Variants in SLC8B1 observed in about 807,000 individuals in gnomAD.
SLC8B1 encodes solute carrier family 8 member B1.
In SLC8B1, 52 loss-of-function variants were observed where a neutral mutation model predicts 63.4. The observed-to-expected ratio is 0.82, with a 90% CI of 0.66 to 1.03. The LOEUF (loss-of-function observed/expected upper bound fraction) is 1.03. SLC8B1 is among the 50% of genes least tolerant of loss of function. The pLI, the probability that SLC8B1 is intolerant of heterozygous loss-of-function variation, is 0.00. For synonymous variants in SLC8B1, 336 were observed against 323.9 expected (o/e 1.04, Z -0.40); for missense variants, 657 against 741.7 (o/e 0.89, Z 1.33).
At chr12:113,330,529 G>A (rs1957043308) in intron 2 of SLC8B1, among the ~76,000 whole-genome samples, 2 of 152,198 alleles carry the variant, frequency 1.3e-5, no homozygotes, top group Admixed American at 6.5e-5. Context: ...CACGGGGTTT[G>A]GGGGAGGACT....
chr12:113,316,879 T>A, intron 9 of SLC8B1, 63 bp downstream of exon 9: 1 of 1,577,570 alleles, frequency 6.3e-7, no homozygotes, highest in Non-Finnish European at 8.7e-7. Context: ...GAGGGCCCCA[T>A]CTTTCCACCC....
rs551919568 is a variant in SLC8B1, at chr12:113,319,744, C to T, written c.694+587G>A. On this transcript the variant is annotated intron_variant, in intron 7 of 15. Coordinates refer to ENST00000680972, the MANE Select transcript of SLC8B1 (RefSeq NM_001358345.2). The stretch of plus-strand genomic sequence containing the variant: ...ATGTTTGCTGTCACGATCCGGGTGG[C>T]CCCAGTTAGCGTCCCATCTTTACTG... Among the ~76,000 whole-genome samples, 546 of 152,308 alleles carry T rather than the reference C, an allele frequency of 3.6e-3. 3 individuals carry two copies. The highest frequency in any genetic ancestry group is 6.0e-3 in the Non-Finnish European group (406 of 68,038).
At position 113,299,310 on chromosome 12, in the gene SLC8B1, G is replaced by A. The variant is rs1237799307; in HGVS notation, c.*467C>T. 2.2e-5 allele frequency: 4 copies of A among 182,620 alleles called. No individual in the cohort carries two copies. Among genetic ancestry groups the A allele is most frequent in the South Asian group, 1.2e-4 (1 of 8,112 alleles). 11.3% of individuals were successfully genotyped at this position (182,620 alleles called of 1,614,324 possible). On this transcript the variant is annotated 3_prime_UTR_variant, in exon 16 of 16. Transcript: ENST00000680972. ...GCCCTCGGCGGCCTGATTCCCAGGG[G>A]TCCAAGCCACCCTCATTCTCTGAGT...
chr12:113,333,273 G>A (rs532494912), intron 1 of SLC8B1, among the ~76,000 whole-genome samples: 2 of 144,798 alleles, frequency 1.4e-5, no homozygotes, highest in African/African-American at 5.5e-5. Context: ...AGAGTCTCAG[G>A]CTTCTGGGGC....
chr12:113,331,202 C>A (rs1957050037), intron 2 of SLC8B1, among the ~76,000 whole-genome samples: 2 of 151,904 alleles, frequency 1.3e-5, no homozygotes, highest in Non-Finnish European at 2.9e-5. Flanking sequence ...GCCTGGCCAA[C>A]ATGGTGAAAC....
At position 113,332,802 on chromosome 12, in the gene SLC8B1, C is replaced by T. The variant is rs1372159083; in HGVS notation, c.77G>A (p.Gly26Glu). 6.2e-6 allele frequency: 10 copies of T among 1,614,194 alleles called. No homozygotes were observed. Among genetic ancestry groups the T allele is most frequent in the Non-Finnish European group, 8.5e-6 (10 of 1,180,046 alleles). Residue 26 changes from glycine (G) to glutamate (E), a missense_variant, in exon 2 of 16, where the codon GGG becomes GAG. Gly to Glu is a moderately conservative substitution (Grantham distance 98). Transcript: ENST00000680972. ...AGCTCCTGTAGACGAGCCCCTAGTC[C>T]CAGACACTGTCTCCGCCATTAGCAG... ...CVLLMAETVS[G>E]TRGSSTGAHI...
rs1485651394 is a variant in SLC8B1, at chr12:113,321,250, T to TTCCAGGTAG, written c.246_254dup (p.Asp82_Leu84dup). The TTCCAGGTAG allele has an allele frequency of 6.2e-7, 1 of 1,614,130 alleles. No individual in the cohort carries two copies. ...TGGGAGGGAAGTGGCAGAAGATGCC[T>TTCCAGGTAG]TCCAGGTAGTCCAGGTACCCCCCAT... On this transcript the variant is annotated inframe_insertion, in exon 3 of 16. Transcript: ENST00000680972.
intron 15 of SLC8B1, among the ~76,000 whole-genome samples, chr12:113,303,052 A>C (rs886585959): frequency 4.2e-5 from 6 of 141,938 alleles, no homozygotes; most frequent in Non-Finnish European, 6.0e-5. Flanking sequence ...CAAAGGTGGT[A>C]GACACACACA....
At position 113,334,496 on chromosome 12, in the gene SLC8B1, A is replaced by G. The variant is rs1957102243; in HGVS notation, c.-136T>C. 1 of 152,114 alleles carries G rather than the reference A, an allele frequency of 6.6e-6. No homozygotes were observed. The highest frequency in any genetic ancestry group is 1.5e-5 in the Non-Finnish European group (1 of 68,026). The allele number at this position is 152,114 out of a possible 1,614,324, so 9.4% of individuals were successfully genotyped here. On this transcript the variant is annotated 5_prime_UTR_variant, in exon 1 of 16. Coordinates refer to ENST00000680972, the MANE Select transcript of SLC8B1 (RefSeq NM_001358345.2). ...TTCTATGGTTCTCCCGAACCCCTCC[A>G]ACTGGAGTCCGAGTTACTCTATTTG... is the stretch of plus-strand genomic sequence containing the variant.
At chr12:113,309,276 C>G (rs1320472470) in intron 12 of SLC8B1, among the ~76,000 whole-genome samples, 3 of 151,794 alleles carry the variant, frequency 2.0e-5, no homozygotes, top group Non-Finnish European at 4.4e-5. Flanking sequence ...TCAAGCAATT[C>G]TCCAGCCTCA....
chr12:113,330,907 T>G (rs1272833296), intron 2 of SLC8B1, among the ~76,000 whole-genome samples: 1 of 152,132 alleles, frequency 6.6e-6, no homozygotes, highest in African/African-American at 2.4e-5. Context: ...TTTTGTTCCT[T>G]CACTCCAGAT....
At chr12:113,318,050 CTGTA>C (rs1443914118) in intron 8 of SLC8B1, among the ~76,000 whole-genome samples, 2 of 151,472 alleles carry the variant, frequency 1.3e-5, no homozygotes, top group African/African-American at 2.4e-5. Context: ...GTGCATGCAT[CTGTA>C]TGTGTTGCAT....
intron 2 of SLC8B1, among the ~76,000 whole-genome samples, chr12:113,326,474 T>A (rs1021004101): frequency 6.6e-6 from 1 of 152,172 alleles, no homozygotes; most frequent in Admixed American, 6.5e-5. Flanking sequence ...TTCAAATTAT[T>A]ATCCTGCCTC....
Position 113,299,725 on chromosome 12 carries a change from G to A in SLC8B1, c.*52C>T. On this transcript the variant is annotated 3_prime_UTR_variant, in exon 16 of 16. Coordinates refer to ENST00000680972, the MANE Select transcript of SLC8B1 (RefSeq NM_001358345.2). ...TCCGGTCCCTGGGCCTCCCCCGGCA[G>A]GAGGGGCGGGGCTCCTGCCTGCAGT... is the stretch of plus-strand genomic sequence containing the variant. 6.4e-7 allele frequency: 1 copy of A among 1,574,192 alleles called. No homozygotes were observed. The highest frequency in any genetic ancestry group is 2.3e-5 in the East Asian group (1 of 44,438).
chr12:113,309,205 G>A (rs1466293973), intron 12 of SLC8B1, among the ~76,000 whole-genome samples: 2 of 145,848 alleles, frequency 1.4e-5, no homozygotes, highest in African/African-American at 5.1e-5. Flanking sequence ...CGGAGTCTCT[G>A]TCACCCAGGC....
Position 113,299,497 on chromosome 12 carries a change from T to TG in SLC8B1, c.*279dup, listed in dbSNP as rs1956539135. On this transcript the variant is annotated 3_prime_UTR_variant, in exon 16 of 16. Transcript: ENST00000680972. ...ACTCCAGCCCTTCTCAGAGGGGCTC[T>TG]GGGGGTCATTCAAGGGGGACTTCTA... 3 of 416,818 alleles carry TG rather than the reference T, an allele frequency of 7.2e-6. No individual in the cohort carries two copies. Among genetic ancestry groups the TG allele is most frequent in the Non-Finnish European group, 1.4e-5 (3 of 221,894 alleles). 25.8% of individuals were successfully genotyped at this position (416,818 alleles called of 1,614,324 possible).
rs750775565 is a variant in SLC8B1 at position 113,303,045 on chromosome 12, AGGT to A, written c.1557+1273_1557+1275del. Among the ~76,000 whole-genome samples the A allele has an allele frequency of 6.1e-5, 9 of 148,664 alleles. No individual in the cohort carries two copies. In the South Asian group the frequency reaches 1.5e-3, roughly 25 times the overall value. On this transcript the variant is annotated intron_variant, in intron 15 of 15. Transcript: ENST00000680972. The stretch of plus-strand genomic sequence containing the variant: ...CACACATTTCCTAAACTCAGCACAA[AGGT>A]GGTAGACACACACACACACACGTAC...
Position 113,319,060 on chromosome 12 carries a change from A to G in SLC8B1, c.706T>C (p.Leu236=). 1 of 1,613,938 alleles carries G rather than the reference A, an allele frequency of 6.2e-7. No individual in the cohort carries two copies. The change falls in exon 8 of 16, where the codon TTG becomes CTG. Residue 236 remains leucine, a synonymous_variant. Coordinates refer to ENST00000680972, the MANE Select transcript of SLC8B1 (RefSeq NM_001358345.2). ...TLAWALGYLG[L]YVFYVVTVIL... ...ACAGTGACCACATAGAACACATACA[A>G]GCCCAGGTAACCTGCAGACGGGGTG...
chr12:113,324,750 C>G (rs1956976794), intron 2 of SLC8B1, among the ~76,000 whole-genome samples: 1 of 151,966 alleles, frequency 6.6e-6, no homozygotes, highest in Non-Finnish European at 1.5e-5. Flanking sequence ...GTCGCCTAGG[C>G]TGGAGTGCAG....
Sources: allele counts gnomAD v4.1 joint callset (sites outside exome capture counted in the v4.1 genomes callset), GRCh38; gene constraint gnomAD v4.1.1; transcripts MANE v1.5; gene names NCBI Gene and HGNC (gene_info 2026-07-23, HGNC 2026-07-21).